The following DOCK1 variants were observed in gnomAD, a reference collection of about 807,000 sequenced individuals.
The protein encoded by DOCK1 is dedicator of cytokinesis protein 1.
In DOCK1, 138 loss-of-function variants were observed where a neutral mutation model predicts 262.7. That is an observed-to-expected ratio of 0.53 (90% CI 0.46 to 0.61). The LOEUF (loss-of-function observed/expected upper bound fraction) is 0.61, where lower values mean the gene tolerates loss of function less well. Among genes scored for constraint, DOCK1 ranks in the 20% least tolerant of loss-of-function variants. DOCK1 has a pLI of 0.00. For synonymous variants in DOCK1, 866 were observed against 867.4 expected (o/e 1.00, Z 0.03); for missense variants, 1,908 against 2,370.7 (o/e 0.80, Z 4.05).
chr10:127,022,090 C>A (rs1292855070), intron 13 of DOCK1, among the ~76,000 whole-genome samples: 2 of 152,028 alleles, frequency 1.3e-5, no homozygotes, highest in Non-Finnish European at 2.9e-5. Context: ...CCAGGGGCTT[C>A]CTATGTTCTC....
In DOCK1 at chr10:127,451,758, G is replaced by C; in HGVS notation, c.*331G>C. 8.6e-6 allele frequency: 3 copies of C among 350,740 alleles called. No individual in the cohort carries two copies. Among genetic ancestry groups the C allele is most frequent in the Non-Finnish European group, 1.6e-5 (3 of 189,882 alleles). The allele number at this position is 350,740 out of a possible 1,614,324, so 21.7% of individuals were successfully genotyped here. On this transcript the variant is annotated 3_prime_UTR_variant, in exon 52 of 52. Coordinates refer to ENST00000623213, the MANE Select transcript of DOCK1 (RefSeq NM_001290223.2). Reference sequence around the variant, plus strand: ...GTGCCAAATGACTTGCATTTGCAAAGAGCTCAATTGCTCTGAGCTCAGCCA... The same window carrying C: ...GTGCCAAATGACTTGCATTTGCAAACAGCTCAATTGCTCTGAGCTCAGCCA...
chr10:127,281,490 A>C (rs2060961761), intron 29 of DOCK1, among the ~76,000 whole-genome samples: 1 of 152,188 alleles, frequency 6.6e-6, no homozygotes, highest in African/African-American at 2.4e-5. Context: ...TCCAGGAGGC[A>C]TCAGGAGGGA....
chr10:127,062,056 C>T (rs1317717405), intron 23 of DOCK1, among the ~76,000 whole-genome samples: 2 of 150,804 alleles, frequency 1.3e-5, no homozygotes, highest in Non-Finnish European at 2.9e-5. Context: ...CCTGTCTCAG[C>T]CTCCCGAATT....
At chr10:127,247,593 G>A (rs2059475467) in intron 27 of DOCK1, among the ~76,000 whole-genome samples, 3 of 152,144 alleles carry the variant, frequency 2.0e-5, no homozygotes, top group Non-Finnish European at 4.4e-5. Flanking sequence ...TAATGCAAAA[G>A]TATTTCAAGC....
intron 29 of DOCK1, among the ~76,000 whole-genome samples, chr10:127,280,009 CATATATATATATATAT>C (rs10525314): frequency 2.6e-5 from 3 of 114,338 alleles, no homozygotes; most frequent in African/African-American, 1.1e-4. Flanking sequence ...AATTTTATTT[CATATATATATATATAT>C]ATATATATAA....
intron 25 of DOCK1, among the ~76,000 whole-genome samples, chr10:127,110,973 C>T (rs1291706088): frequency 6.6e-6 from 1 of 152,178 alleles, no homozygotes; most frequent in African/African-American, 2.4e-5. Flanking sequence ...CAAACTTCCT[C>T]ATTTATTGGA....
intron 48 of DOCK1, among the ~76,000 whole-genome samples, chr10:127,438,692 C>T (rs1288675519): frequency 6.6e-6 from 1 of 152,218 alleles, no homozygotes; most frequent in African/African-American, 2.4e-5. Flanking sequence ...CTATATAAAT[C>T]TCTAAAAGAC....
chr10:127,380,859 C>G (rs1362858474), intron 36 of DOCK1, among the ~76,000 whole-genome samples: 1 of 152,166 alleles, frequency 6.6e-6, no homozygotes, highest in African/African-American at 2.4e-5. Flanking sequence ...TTTAATAACT[C>G]AGTTACCTTT....
intron 27 of DOCK1, among the ~76,000 whole-genome samples, chr10:127,233,238 T>G (rs539427335): frequency 6.6e-6 from 1 of 152,348 alleles, no homozygotes; most frequent in Non-Finnish European, 1.5e-5. Flanking sequence ...GTTTATTTGG[T>G]AATTAGGAAG....
At chr10:127,321,339 C>G (rs945325053) in intron 29 of DOCK1, among the ~76,000 whole-genome samples, 6 of 132,524 alleles carry the variant, frequency 4.5e-5, no homozygotes, top group Non-Finnish European at 9.4e-5. Context: ...CCTCTATCCT[C>G]CCTTCTCTCG....
At chr10:127,070,250 C>CTTTTTTTTTTTTTT (rs71032535) in intron 23 of DOCK1, among the ~76,000 whole-genome samples, 1 of 92,948 alleles carries the variant, frequency 1.1e-5, no homozygotes, top group Non-Finnish European at 2.0e-5. Context: ...GAATTTAGCC[C>CTTTTTTTTTTTTTT]TTTTTTTTTT....
chr10:127,366,460 C>T (rs373308477), intron 33 of DOCK1, among the ~76,000 whole-genome samples: 3 of 152,068 alleles, frequency 2.0e-5, no homozygotes, highest in Admixed American at 6.5e-5. Flanking sequence ...CCGTGGCAGT[C>T]GGTTGTGAAG....
chr10:127,193,610 T>C lies in DOCK1; in HGVS notation c.2848-54398T>C, dbSNP rs112068356. ...ACAAATGTCTACGTGAACGGGTCTG[T>C]CCTGCCACTCCACTGCGATCCGTTG... On this transcript the variant is annotated intron_variant, in intron 27 of 51. Coordinates refer to ENST00000623213, the MANE Select transcript of DOCK1 (RefSeq NM_001290223.2). Among the ~76,000 whole-genome samples, 509 of 152,314 alleles carry C rather than the reference T, an allele frequency of 3.3e-3. 5 individuals carry two copies. Among genetic ancestry groups the C allele is most frequent in the African/African-American group, 0.012 (488 of 41,560 alleles).
chr10:127,020,231 A>G (rs1358604370), intron 13 of DOCK1, among the ~76,000 whole-genome samples: 1 of 152,184 alleles, frequency 6.6e-6, no homozygotes, highest in Non-Finnish European at 1.5e-5. Context: ...TAATTTGTAT[A>G]CTTATTATTT....
At chr10:127,057,981 G>C (rs1253526264) in intron 22 of DOCK1, among the ~76,000 whole-genome samples, 1 of 152,106 alleles carries the variant, frequency 6.6e-6, no homozygotes, top group Non-Finnish European at 1.5e-5. Context: ...TTTCTGAGTT[G>C]TTTTTTCTCA....
chr10:127,079,039 TGATG>T (rs2046743047), intron 23 of DOCK1, among the ~76,000 whole-genome samples: 2 of 152,234 alleles, frequency 1.3e-5, no homozygotes, highest in Non-Finnish European at 2.9e-5. Flanking sequence ...AATTATAAAT[TGATG>T]GATAAATTTA....
intron 23 of DOCK1, among the ~76,000 whole-genome samples, chr10:127,097,404 TTC>T (rs2047976155): frequency 1.3e-5 from 2 of 152,226 alleles, no homozygotes; most frequent in Admixed American, 1.3e-4. Flanking sequence ...CTGGCTGTGA[TTC>T]TCTCTGATTT....
chr10:126,990,767 G>A (rs1261876890), intron 6 of DOCK1, among the ~76,000 whole-genome samples, 164 bp downstream of exon 6: 1 of 152,102 alleles, frequency 6.6e-6, no homozygotes, highest in African/African-American at 2.4e-5. Context: ...TTTTCCACTG[G>A]ATTCTGAACT....
intron 29 of DOCK1, among the ~76,000 whole-genome samples, chr10:127,322,938 TAATC>T (rs1393030285): frequency 1.3e-5 from 2 of 152,366 alleles, no homozygotes; most frequent in East Asian, 1.9e-4. Context: ...CAATAATCAA[TAATC>T]AATCACTCTG....
Sources: gnomAD v4.1 joint callset for allele counts (sites outside exome capture counted in the v4.1 genomes callset) on GRCh38, gnomAD v4.1.1 for gene constraint, MANE v1.5 for transcripts, NCBI Gene and HGNC (gene_info 2026-07-23, HGNC 2026-07-21) for gene names.